Variants in KLHL20 observed in about 807,000 individuals in gnomAD.
KLHL20 encodes the protein kelch like family member 20.
In KLHL20, 29 loss-of-function variants were observed where a neutral mutation model predicts 69.5. The ratio of observed to expected loss-of-function variants is 0.42; its 90% CI spans 0.31 to 0.57. The LOEUF (loss-of-function observed/expected upper bound fraction) is 0.57, where lower values mean the gene tolerates loss of function less well. Ranked by LOEUF, KLHL20 falls within the 20% of genes least tolerant of loss-of-function variation. The pLI is 0.18. For missense variants in KLHL20, 419 were observed against 776.0 expected (o/e 0.54, Z 5.47); for synonymous variants, 253 against 265.2 (o/e 0.95, Z 0.45).
intron 3 of KLHL20, among the ~76,000 whole-genome samples, chr1:173,749,053 T>C (rs1673195428): frequency 6.6e-6 from 1 of 152,136 alleles, no homozygotes; most frequent in Non-Finnish European, 1.5e-5. Context: ...AGTAAGGAAA[T>C]CTTACCCTTG....
chr1:173,768,433 A>T (rs1647866748), intron 8 of KLHL20, among the ~76,000 whole-genome samples: 1 of 152,218 alleles, frequency 6.6e-6, no homozygotes, highest in Non-Finnish European at 1.5e-5. Flanking sequence ...TTTACCATGT[A>T]TATGTTGAAA....
intron 2 of KLHL20, among the ~76,000 whole-genome samples, chr1:173,726,258 C>G (rs940374172): frequency 9.9e-5 from 15 of 151,894 alleles, no homozygotes; most frequent in Admixed American, 9.8e-4. Flanking sequence ...GAAGCTCGAA[C>G]GTGGTGGAGC....
intron 8 of KLHL20, among the ~76,000 whole-genome samples, chr1:173,768,869 A>G (rs1571922300): frequency 6.6e-6 from 1 of 152,232 alleles, no homozygotes; most frequent in Non-Finnish European, 1.5e-5. Context: ...CATTAGCCAC[A>G]AGACCTGCAT....
intron 8 of KLHL20, among the ~76,000 whole-genome samples, chr1:173,769,780 CAAAAAAAA>C (rs5779440): frequency 1.1e-5 from 1 of 87,014 alleles, no homozygotes; most frequent in East Asian, 3.1e-4. Flanking sequence ...GACCCTGTCT[CAAAAAAAA>C]AAAAAAAAAA....
rs991022802 is a variant in KLHL20, at chr1:173,714,994, T to G, written c.-126T>G. ...TCTACGAGCGGCATCCTGCCTGCGT[T>G]AGCGGCGGTGGAGGAGGAGGCAGAG... is the stretch of plus-strand genomic sequence containing the variant. On this transcript the variant is annotated 5_prime_UTR_variant, in exon 1 of 12. Coordinates refer to ENST00000209884, the MANE Select transcript of KLHL20 (RefSeq NM_014458.4). The G allele has an allele frequency of 6.5e-6, 1 of 152,742 alleles. No homozygotes were observed. The highest frequency in any genetic ancestry group is 2.4e-5 in the African/African-American group (1 of 41,306). The allele number at this position is 152,742 out of a possible 1,614,324, so 9.5% of individuals were successfully genotyped here.
At chr1:173,773,902 G>A (rs1315003292) in intron 8 of KLHL20, among the ~76,000 whole-genome samples, 3 of 151,556 alleles carry the variant, frequency 2.0e-5, no homozygotes, top group African/African-American at 4.8e-5. Context: ...AGTCCCAGCT[G>A]CTCAGGAGGC....
intron 2 of KLHL20, among the ~76,000 whole-genome samples, chr1:173,727,322 C>T (rs1351361948): frequency 6.6e-6 from 1 of 152,178 alleles, no homozygotes; most frequent in Non-Finnish European, 1.5e-5. Context: ...TTGGAAAACA[C>T]TCTGCAGGAT....
intron 5 of KLHL20, among the ~76,000 whole-genome samples, chr1:173,754,524 C>T (rs1036324242): frequency 2.7e-5 from 4 of 145,994 alleles, no homozygotes; most frequent in Non-Finnish European, 5.9e-5. Context: ...GTGGAGGTTG[C>T]GGTGAGCCAA....
Position 173,758,690 on chromosome 1 carries a change from CAG to C in KLHL20, c.1151+1532_1151+1533del, listed in dbSNP as rs564158742. Reference sequence around the variant, plus strand: ...CAAGTTAGAGAGGCAAGCGAAATAACAGGGGTAGAGGAAGCAGCAGAAAGGCC... The same window carrying C: ...CAAGTTAGAGAGGCAAGCGAAATAACGGGTAGAGGAAGCAGCAGAAAGGCC... On this transcript the variant is annotated intron_variant, in intron 7 of 11. Coordinates refer to ENST00000209884, the MANE Select transcript of KLHL20 (RefSeq NM_014458.4). Among the ~76,000 whole-genome samples, 138 of 152,264 alleles carry C rather than the reference CAG, an allele frequency of 9.1e-4. 2 individuals are homozygous for C. Among genetic ancestry groups the C allele is most frequent in the East Asian group, 4.8e-3 (25 of 5,176 alleles).
chr1:173,745,753 T>C (rs540142823), intron 3 of KLHL20, among the ~76,000 whole-genome samples: 71 of 152,310 alleles, frequency 4.7e-4, no homozygotes, highest in African/African-American at 1.7e-3. Context: ...TAAATGGTAA[T>C]GGAAATATTG....
chr1:173,725,612 A>T lies in KLHL20; in HGVS notation c.24-8101A>T, dbSNP rs980397791. 8.5e-5 allele frequency among the ~76,000 whole-genome samples: 13 copies of T among 152,236 alleles called. No individual in the cohort carries two copies. The East Asian group carries it at 2.5e-3, about 29-fold the overall frequency. On this transcript the variant is annotated intron_variant, in intron 2 of 11. Transcript: ENST00000209884. Reference sequence around the variant, plus strand: ...GAACCCATTTTAGAGGAAAATAATTATTGCAGCTTCTAAAGAATATGTCCT... The same window carrying T: ...GAACCCATTTTAGAGGAAAATAATTTTTGCAGCTTCTAAAGAATATGTCCT...
rs1281774717 is a variant in KLHL20, at chr1:173,782,160, G to A, written c.1675G>A (p.Val559Ile). 2 of 1,614,024 alleles carry A rather than the reference G, an allele frequency of 1.2e-6. No individual in the cohort carries two copies. The highest frequency in any genetic ancestry group is 1.7e-6 in the Non-Finnish European group (2 of 1,179,994). The part of the protein sequence containing the change: ...LAVVNGQLMA[V>I]GGFDGTTYLK... ...AGTGGTCAATGGACAGCTCATGGCA[G>A]TAGGAGGTTTTGATGGCACAACATA... Residue 559 changes from valine to isoleucine, a missense_variant, in exon 11 of 12, where the codon GTA becomes ATA. Around this residue, in one of 6 missense-constraint regions of KLHL20, gnomAD observed 79 missense variants for 154.4 expected, o/e 0.51. Coordinates refer to ENST00000209884, the MANE Select transcript of KLHL20 (RefSeq NM_014458.4).
At chr1:173,773,742 G>A (rs899793062) in intron 8 of KLHL20, among the ~76,000 whole-genome samples, 20 of 150,088 alleles carry the variant, frequency 1.3e-4, no homozygotes, top group Admixed American at 1.2e-3. Context: ...AGCCGGGCAC[G>A]GTCACTCACG....
intron 5 of KLHL20, among the ~76,000 whole-genome samples, chr1:173,755,338 G>A (rs577035008): frequency 6.6e-6 from 1 of 152,196 alleles, no homozygotes; most frequent in East Asian, 1.9e-4. Flanking sequence ...GATTACAGGC[G>A]TGAGCCACTG....
chr1:173,740,805 G>T (rs995392165), intron 3 of KLHL20, among the ~76,000 whole-genome samples: 1 of 151,628 alleles, frequency 6.6e-6, no homozygotes, highest in Non-Finnish European at 1.5e-5. Context: ...TGTCGTATCT[G>T]CACTTCTCAT....
At chr1:173,766,360 A>G in intron 8 of KLHL20, 71 bp downstream of exon 8, 1 of 1,413,570 alleles carries the variant, frequency 7.1e-7, no homozygotes, top group African/African-American at 1.5e-5. Flanking sequence ...AAGAAAAACT[A>G]CAGGTTGGGC....
intron 8 of KLHL20, among the ~76,000 whole-genome samples, chr1:173,769,424 G>A (rs1326028391): frequency 2.0e-5 from 3 of 152,072 alleles, no homozygotes; most frequent in African/African-American, 4.8e-5. Flanking sequence ...TAAGCAGGAC[G>A]AGGGCAACAG....
At chr1:173,756,561 A>C (rs1388137729) in intron 6 of KLHL20, among the ~76,000 whole-genome samples, 1 of 152,224 alleles carries the variant, frequency 6.6e-6, no homozygotes, top group Non-Finnish European at 1.5e-5. Flanking sequence ...GTCGTGCAGT[A>C]GATGTTTTGT....
chr1:173,743,293 A>G (rs1468552054), intron 3 of KLHL20, among the ~76,000 whole-genome samples: 1 of 152,046 alleles, frequency 6.6e-6, no homozygotes, highest in Admixed American at 6.5e-5. Context: ...AATCACAGGA[A>G]TAAGACAAAA....
Sources: allele counts gnomAD v4.1 joint callset (sites outside exome capture counted in the v4.1 genomes callset), GRCh38; gene constraint gnomAD v4.1.1; regional missense constraint gnomAD v4.1.1; transcripts MANE v1.5; gene names NCBI Gene and HGNC (gene_info 2026-07-23, HGNC 2026-07-21).